NMNAT2: variants seen among roughly 807,000 people sequenced by gnomAD.
The protein encoded by NMNAT2 is nicotinamide nucleotide adenylyltransferase 2.
A neutral mutation model predicts 41.6 loss-of-function variants in NMNAT2; 11 were observed. The observed-to-expected ratio is 0.26, with a 90% CI of 0.17 to 0.44. The LOEUF is 0.44. Ranked by LOEUF, NMNAT2 falls within the 20% of genes least tolerant of loss-of-function variation. The pLI, the probability that NMNAT2 is intolerant of heterozygous loss-of-function variation, is 1.00. For synonymous variants in NMNAT2, 148 were observed against 151.2 expected, an observed-to-expected ratio of 0.98 and a Z score of 0.16; for missense variants, 288 against 407.7, an observed-to-expected ratio of 0.71 and a Z score of 2.53.
At chr1:183,310,921 A>T (rs951558700) in intron 1 of NMNAT2, among the ~76,000 whole-genome samples, 2 of 152,062 alleles carry the variant, frequency 1.3e-5, no homozygotes, top group African/African-American at 4.8e-5. Flanking sequence ...AGAGACTGTT[A>T]TTGGAAAAAG....
At chr1:183,349,546 GT>G (rs1289829120) in intron 1 of NMNAT2, among the ~76,000 whole-genome samples, 7 of 152,374 alleles carry the variant, frequency 4.6e-5, no homozygotes, top group African/African-American at 1.7e-4. Context: ...TTTACAGTCT[GT>G]TTAACTTACC....
Position 183,375,091 on chromosome 1 carries a change from A to T in NMNAT2, c.85+43092T>A, listed in dbSNP as rs980059063. Among the ~76,000 whole-genome samples, 3 of 152,164 alleles carry T rather than the reference A, an allele frequency of 2.0e-5. No individual in the cohort carries two copies. In the East Asian group the frequency reaches 5.8e-4, roughly 29 times the overall value. ...GGGGGCAGGAAGGCCTCTTAGGACA[A>T]TCACCACAGCTTCCTAACTCATGCC... On this transcript the variant is annotated intron_variant, in intron 1 of 10. Transcript: ENST00000287713.
At chr1:183,320,127 T>C (rs1662328812) in intron 1 of NMNAT2, among the ~76,000 whole-genome samples, 1 of 152,108 alleles carries the variant, frequency 6.6e-6, no homozygotes. Flanking sequence ...GAGGATGAGA[T>C]GAGAGGAGAA....
At chr1:183,296,657 C>G (rs576377087) in intron 1 of NMNAT2, among the ~76,000 whole-genome samples, 4 of 152,134 alleles carry the variant, frequency 2.6e-5, no homozygotes, top group African/African-American at 9.6e-5. Flanking sequence ...GGATTACAGA[C>G]GTGCACCACC....
At chr1:183,322,121 A>G (rs535013438) in intron 1 of NMNAT2, among the ~76,000 whole-genome samples, 195 of 152,260 alleles carry the variant, frequency 1.3e-3, no homozygotes, top group Non-Finnish European at 2.5e-3. Context: ...CACCGCACCC[A>G]GCCTGGGCTA....
At chr1:183,284,102 T>C (rs1661340366) in intron 6 of NMNAT2, 63 bp from the exon 7 acceptor site, 1 of 1,424,542 alleles carries the variant, frequency 7.0e-7, no homozygotes, top group Non-Finnish European at 9.7e-7. Context: ...CAACACACAG[T>C]CTGCCTGAGG....
In NMNAT2 at chr1:183,418,345, GA is replaced by G; in HGVS notation, c.-79del. ...TCGTTGTGTCTGCAGAGGGAGAAAG[GA>G]AGGCGAGGCTCCGGCGGTGGATGCT... is the stretch of plus-strand genomic sequence containing the variant. On this transcript the variant is annotated 5_prime_UTR_variant, in exon 1 of 11. Coordinates refer to ENST00000287713, the MANE Select transcript of NMNAT2 (RefSeq NM_015039.4). 7.1e-7 allele frequency: 1 copy of G among 1,409,770 alleles called. No individual in the cohort carries two copies. The highest frequency in any genetic ancestry group is 1.0e-6 in the Non-Finnish European group (1 of 996,388). 87.3% of individuals were successfully genotyped at this position (1,409,770 alleles called of 1,614,324 possible). A position where few individuals can be genotyped will look rare whatever the true frequency, so the allele number is the denominator to read the frequency against.
intron 1 of NMNAT2, among the ~76,000 whole-genome samples, chr1:183,396,622 C>T (rs1648658067): frequency 1.3e-5 from 2 of 152,102 alleles, no homozygotes; most frequent in African/African-American, 4.8e-5. Context: ...ATACGGACAG[C>T]CTGCCCCAAA....
intron 1 of NMNAT2, among the ~76,000 whole-genome samples, chr1:183,416,136 C>T (rs1246072619): frequency 6.6e-6 from 1 of 152,226 alleles, no homozygotes; most frequent in Non-Finnish European, 1.5e-5. Context: ...GGCAGGTCAG[C>T]ATTCGCTTAA....
chr1:183,365,762 G>A (rs1242902941), intron 1 of NMNAT2, among the ~76,000 whole-genome samples: 1 of 151,978 alleles, frequency 6.6e-6, no homozygotes, highest in Non-Finnish European at 1.5e-5. Context: ...ACAGTGACAG[G>A]TGGCCCACAG....
In NMNAT2 at chr1:183,261,222, A is replaced by G; in HGVS notation, c.733T>C (p.Ser245Pro). 4 of 1,614,184 alleles carry G rather than the reference A, an allele frequency of 2.5e-6. No homozygotes were observed. Among genetic ancestry groups the G allele is most frequent in the Non-Finnish European group, 1.7e-6 (2 of 1,180,024 alleles). Reference protein sequence around the residue: ...ADTDRIMNHSSILRKYKNNIM... With the variant: ...ADTDRIMNHSPILRKYKNNIM... ...CTCACTTTGTATTTGCGGAGTATTG[A>G]GGAGTGATTCATGATTCGGTCTGTG... is the stretch of plus-strand genomic sequence containing the variant. The change falls in exon 9 of 11, where the codon TCA (serine) becomes CCA (proline). Residue 245 changes from serine (S) to proline (P), a missense_variant. Ser to Pro is a moderately conservative substitution (Grantham distance 74). Coordinates refer to ENST00000287713, the MANE Select transcript of NMNAT2 (RefSeq NM_015039.4).
chr1:183,297,486 G>A (rs942487810), intron 1 of NMNAT2, among the ~76,000 whole-genome samples: 2 of 151,254 alleles, frequency 1.3e-5, no homozygotes, highest in African/African-American at 4.9e-5. Context: ...GGGTTCAAGC[G>A]ATTCTCCTGC....
chr1:183,410,248 G>A (rs946455362), intron 1 of NMNAT2, among the ~76,000 whole-genome samples: 7 of 151,810 alleles, frequency 4.6e-5, no homozygotes, highest in South Asian at 2.1e-4. Flanking sequence ...ACTTTAACCC[G>A]GGAGGTGGAG....
rs548772927 is a variant in NMNAT2, at chr1:183,253,048, G to A, written c.822-305C>T. ...GGCCCCTCTCATTTAGTTATTCAAAGGATTAAATGAGTCATTATGCAAAGC... is the reference window on the plus strand; with the variant it reads ...GGCCCCTCTCATTTAGTTATTCAAAAGATTAAATGAGTCATTATGCAAAGC... On this transcript the variant is annotated intron_variant, in intron 10 of 10. Coordinates refer to ENST00000287713, the MANE Select transcript of NMNAT2 (RefSeq NM_015039.4). Among the ~76,000 whole-genome samples, 16 of 152,102 alleles carry A rather than the reference G, an allele frequency of 1.1e-4. 1 individual carries two copies. The South Asian group carries it at 2.9e-3, about 28-fold the overall frequency.
At chr1:183,297,076 T>TCATTCAAA (rs1661721689) in intron 1 of NMNAT2, among the ~76,000 whole-genome samples, 1 of 150,300 alleles carries the variant, frequency 6.7e-6, no homozygotes, top group Admixed American at 6.7e-5. Flanking sequence ...ACTCTTCACT[T>TCATTCAAA]CCCAAGCACT....
At chr1:183,265,607 T>C (rs1298548846) in intron 8 of NMNAT2, among the ~76,000 whole-genome samples, 4 of 152,152 alleles carry the variant, frequency 2.6e-5, no homozygotes, top group Non-Finnish European at 5.9e-5. Context: ...AGCTTTGGTA[T>C]TTTCCTTGAT....
chr1:183,374,648 T>G lies in NMNAT2; in HGVS notation c.85+43535A>C, dbSNP rs76521050. Among the ~76,000 whole-genome samples the G allele has an allele frequency of 8.6e-4, 131 of 152,278 alleles. 1 individual carries two copies. In the East Asian group the frequency reaches 0.021, roughly 24 times the overall value. On this transcript the variant is annotated intron_variant, in intron 1 of 10. Coordinates refer to ENST00000287713, the MANE Select transcript of NMNAT2 (RefSeq NM_015039.4). ...TGTGTTGTACCACATGCAAGGAAAATAGATTTACTTAAGCTGTATCCTGTG... is the reference window on the plus strand; with the variant it reads ...TGTGTTGTACCACATGCAAGGAAAAGAGATTTACTTAAGCTGTATCCTGTG...
intron 1 of NMNAT2, among the ~76,000 whole-genome samples, chr1:183,403,256 T>C (rs762809154): frequency 4.6e-5 from 7 of 152,168 alleles, no homozygotes; most frequent in African/African-American, 1.7e-4. Context: ...ATCTTATTCC[T>C]CTTTTCTCCC....
chr1:183,418,350 C>A lies in NMNAT2; in HGVS notation c.-83G>T. On this transcript the variant is annotated 5_prime_UTR_variant, in exon 1 of 11. Transcript: ENST00000287713. ...GTGTCTGCAGAGGGAGAAAGGAAGGCGAGGCTCCGGCGGTGGATGCTGTGG... is the reference window on the plus strand; with the variant it reads ...GTGTCTGCAGAGGGAGAAAGGAAGGAGAGGCTCCGGCGGTGGATGCTGTGG... 2.2e-6 allele frequency: 3 copies of A among 1,370,916 alleles called. No individual in the cohort carries two copies. The highest frequency in any genetic ancestry group is 1.7e-5 in the Admixed American group (1 of 58,208). The allele number at this position is 1,370,916 out of a possible 1,614,324, so 84.9% of individuals were successfully genotyped here.
Sources: gnomAD v4.1 joint callset for allele counts (sites outside exome capture counted in the v4.1 genomes callset) on GRCh38, gnomAD v4.1.1 for gene constraint, MANE v1.5 for transcripts, NCBI Gene and HGNC (gene_info 2026-07-23, HGNC 2026-07-21) for gene names.